Variants in PIK3C2G observed in about 807,000 individuals in gnomAD.
PIK3C2G encodes phosphatidylinositol-4-phosphate 3-kinase catalytic subunit type 2 gamma.
Under a neutral mutation model 181.1 loss-of-function variants are expected in PIK3C2G, and 168 were observed. The ratio of observed to expected loss-of-function variants is 0.93; its 90% CI spans 0.82 to 1.05. The LOEUF (loss-of-function observed/expected upper bound fraction) is 1.05, where lower values mean the gene tolerates loss of function less well. Among genes scored for constraint, PIK3C2G ranks in the 50% least tolerant of loss-of-function variants. The pLI is 0.00. For synonymous variants in PIK3C2G, 573 were observed against 592.2 expected (o/e 0.97, Z 0.47); for missense variants, 1,869 against 1,732.8 (o/e 1.08, Z -1.40).
At chr12:18,265,739 C>T (rs956272736) in intron 1 of PIK3C2G, among the ~76,000 whole-genome samples, 2 of 151,926 alleles carry the variant, frequency 1.3e-5, no homozygotes, top group African/African-American at 2.4e-5. Flanking sequence ...ATAGGCTGGG[C>T]GTGGTGGCTC....
chr12:18,436,565 C>T (rs1270207804), intron 18 of PIK3C2G, among the ~76,000 whole-genome samples: 1 of 151,996 alleles, frequency 6.6e-6, no homozygotes, highest in East Asian at 1.9e-4. Flanking sequence ...TAACATAGAA[C>T]ATTGCACACA....
intron 1 of PIK3C2G, among the ~76,000 whole-genome samples, chr12:18,265,255 T>G (rs1026200376): frequency 3.3e-5 from 5 of 152,166 alleles, no homozygotes; most frequent in African/African-American, 1.2e-4. Context: ...TGTGAGAAAA[T>G]TATTTTTCAC....
intron 7 of PIK3C2G, among the ~76,000 whole-genome samples, chr12:18,324,534 T>C (rs759272750): frequency 6.6e-6 from 1 of 152,222 alleles, no homozygotes; most frequent in African/African-American, 2.4e-5. Flanking sequence ...TCAAATTGCA[T>C]GTCTTCTCCC....
At chr12:18,411,935 A>G (rs1944887321) in intron 16 of PIK3C2G, among the ~76,000 whole-genome samples, 2 of 152,198 alleles carry the variant, frequency 1.3e-5, no homozygotes, top group Admixed American at 1.3e-4. Flanking sequence ...GAACAAGTGA[A>G]AAAAACAATA....
chr12:18,292,227 A>AAAAAAAAAAATAT lies in PIK3C2G; in HGVS notation c.919+1216_919+1217insAAAAAAAAATATA. 6.1e-3 allele frequency among the ~76,000 whole-genome samples: 297 copies of AAAAAAAAAAATAT among 48,526 alleles called. 15 individuals are homozygous for AAAAAAAAAAATAT. The highest frequency in any genetic ancestry group is 8.0e-3 in the Non-Finnish European group (239 of 29,754). 31.8% of individuals were successfully genotyped at this position (48,526 alleles called of 152,430 possible). The stretch of plus-strand genomic sequence containing the variant: ...CTCCATCTCAAAAAAAAAAAAAAAA[A>AAAAAAAAAAATAT]ATATATATATATATATATATATATA... On this transcript the variant is annotated intron_variant, in intron 4 of 32. Transcript: ENST00000538779.
intron 16 of PIK3C2G, among the ~76,000 whole-genome samples, chr12:18,406,593 C>T (rs1184969421): frequency 6.6e-6 from 1 of 152,044 alleles, no homozygotes; most frequent in East Asian, 1.9e-4. Flanking sequence ...AATAAAAGAG[C>T]TTCCAGCGTG....
intron 7 of PIK3C2G, among the ~76,000 whole-genome samples, 167 bp downstream of exon 7, chr12:18,321,199 T>G (rs1951093169): frequency 6.6e-6 from 1 of 152,224 alleles, no homozygotes; most frequent in South Asian, 2.1e-4. Flanking sequence ...TCTTCAAAGT[T>G]ATTCAGACAT....
chr12:18,613,783 C>T (rs1364218637), intron 31 of PIK3C2G, among the ~76,000 whole-genome samples: 2 of 151,978 alleles, frequency 1.3e-5, no homozygotes, highest in East Asian at 1.9e-4. Context: ...AAAAATAACC[C>T]AAGTGGCTAG....
chr12:18,426,489 T>G (rs1945823939), intron 18 of PIK3C2G, among the ~76,000 whole-genome samples: 1 of 152,204 alleles, frequency 6.6e-6, no homozygotes, highest in Non-Finnish European at 1.5e-5. Flanking sequence ...CATACTGTTC[T>G]TCCTACTTTC....
intron 30 of PIK3C2G, among the ~76,000 whole-genome samples, chr12:18,599,014 A>T (rs1216270359): frequency 1.3e-5 from 2 of 150,736 alleles, no homozygotes; most frequent in African/African-American, 2.4e-5. Context: ...GCTGGAGAGG[A>T]TGTGGAGAAA....
At chr12:18,397,943 A>G (rs1368446201) in intron 15 of PIK3C2G, among the ~76,000 whole-genome samples, 1 of 152,186 alleles carries the variant, frequency 6.6e-6, no homozygotes, top group Non-Finnish European at 1.5e-5. Flanking sequence ...CATTAATTAA[A>G]AGGAATTAAC....
At chr12:18,332,021 T>C (rs1490872874) in intron 8 of PIK3C2G, among the ~76,000 whole-genome samples, 1 of 152,180 alleles carries the variant, frequency 6.6e-6, no homozygotes, top group Non-Finnish European at 1.5e-5. Context: ...TTCATATATT[T>C]CTAACTTAAA....
intron 12 of PIK3C2G, among the ~76,000 whole-genome samples, chr12:18,366,252 C>T (rs147216298): frequency 1.3e-5 from 2 of 152,246 alleles, no homozygotes; most frequent in East Asian, 1.9e-4. Context: ...TTCTAAACAA[C>T]GTACTTTCAG....
At position 18,279,200 on chromosome 12, in the gene PIK3C2G, A is replaced by T. The variant is rs540304790; in HGVS notation, c.-78-2804A>T. On this transcript the variant is annotated intron_variant, in intron 1 of 32. Transcript: ENST00000538779. ...CTGCTTATAATAAATCTGTGAACAT[A>T]AACTCAAACGTTAGATAAGTTAATA... is the stretch of plus-strand genomic sequence containing the variant. Among the ~76,000 whole-genome samples the T allele has an allele frequency of 1.6e-4, 25 of 152,192 alleles. 1 individual carries two copies. The highest frequency in any genetic ancestry group is 6.0e-4 in the African/African-American group (25 of 41,562).
intron 24 of PIK3C2G, among the ~76,000 whole-genome samples, chr12:18,526,254 T>C (rs1243042627): frequency 6.6e-6 from 1 of 152,198 alleles, no homozygotes; most frequent in East Asian, 1.9e-4. Flanking sequence ...ATCTCCTTCA[T>C]GCTTTAATTA....
chr12:18,379,869 A>G (rs981578869), intron 13 of PIK3C2G, among the ~76,000 whole-genome samples: 6 of 152,098 alleles, frequency 3.9e-5, no homozygotes, highest in African/African-American at 1.4e-4. Context: ...CCTTATCCCC[A>G]CCAGGGAAAC....
At chr12:18,301,139 CT>C (rs1360083362) in intron 5 of PIK3C2G, among the ~76,000 whole-genome samples, 1 of 152,076 alleles carries the variant, frequency 6.6e-6, no homozygotes, top group Non-Finnish European at 1.5e-5. Flanking sequence ...TTTTACAATA[CT>C]CTTTGTCTTT....
chr12:18,657,676 A>T, the PIK3C2G span, among the ~76,000 whole-genome samples: 1 of 152,342 alleles, frequency 6.6e-6, no homozygotes, highest in Middle Eastern at 3.4e-3. Flanking sequence ...ACAAACAACT[A>T]CTATAATAAG....
intron 16 of PIK3C2G, among the ~76,000 whole-genome samples, chr12:18,419,855 T>C (rs1014390250): frequency 6.6e-6 from 1 of 152,174 alleles, no homozygotes. Flanking sequence ...CACTGTTTAC[T>C]TGACTCGATG....
Sources: allele counts gnomAD v4.1 joint callset (sites outside exome capture counted in the v4.1 genomes callset), GRCh38; gene constraint gnomAD v4.1.1; transcripts MANE v1.5; gene names NCBI Gene and HGNC (gene_info 2026-07-23, HGNC 2026-07-21).